The following TPST2 variants were observed in gnomAD, a reference collection of about 807,000 sequenced individuals.
TPST2 encodes the protein tyrosylprotein sulfotransferase 2.
TPST2 carries 16 observed loss-of-function variants against 27.8 expected under a neutral mutation model. That is an observed-to-expected ratio of 0.58 (90% CI 0.39 to 0.88). The LOEUF is 0.88. Ranked by LOEUF, TPST2 falls within the 40% of genes least tolerant of loss-of-function variation. The probability of loss-of-function intolerance (pLI) is 0.00; values close to 1 mark genes in which losing one functional copy is unlikely to be tolerated. For synonymous variants in TPST2, 229 were observed against 231.7 expected, an observed-to-expected ratio of 0.99 and a Z score of 0.10; for missense variants, 464 against 543.1, an observed-to-expected ratio of 0.85 and a Z score of 1.45.
rs190235994 is a variant in TPST2 at position 26,567,109 on chromosome 22, G to A, written c.-160-22434C>T. On this transcript the variant is annotated intron_variant, in intron 1 of 6. Coordinates refer to ENST00000338754, the MANE Select transcript of TPST2 (RefSeq NM_003595.5). ...AACACTGGTCTATTGCGGGGTAAGA[G>A]GGGGTGAGACTAAGCCGATTCTTTC... Among the ~76,000 whole-genome samples the A allele has an allele frequency of 4.0e-3, 615 of 152,290 alleles. 3 individuals are homozygous for A. The highest frequency in any genetic ancestry group is 0.014 in the African/African-American group (587 of 41,562).
intron 1 of TPST2, among the ~76,000 whole-genome samples, chr22:26,554,408 T>G (rs1269424685): frequency 6.6e-6 from 1 of 152,166 alleles, no homozygotes; most frequent in African/African-American, 2.4e-5. Context: ...CAGCGTGATC[T>G]TGTAGGGACC....
intron 1 of TPST2, among the ~76,000 whole-genome samples, chr22:26,550,415 T>C (rs1490295026): frequency 6.6e-6 from 1 of 152,138 alleles, no homozygotes; most frequent in Non-Finnish European, 1.5e-5. Context: ...GGAGTGACAT[T>C]TGCATTGAGA....
At chr22:26,547,542 G>A (rs1488677492) in intron 1 of TPST2, 1 of 152,160 alleles carries the variant, frequency 6.6e-6, no homozygotes, top group Non-Finnish European at 1.5e-5. Context: ...TCCATTTTAA[G>A]CTAAGAAAGG....
At chr22:26,539,231 G>C (rs1315536797) in intron 3 of TPST2, among the ~76,000 whole-genome samples, 1 of 152,110 alleles carries the variant, frequency 6.6e-6, no homozygotes, top group African/African-American at 2.4e-5. Flanking sequence ...CCAGCCATGG[G>C]AAGGACCAGC....
intron 1 of TPST2, among the ~76,000 whole-genome samples, chr22:26,556,849 G>C (rs1046795318): frequency 2.0e-5 from 3 of 152,166 alleles, no homozygotes; most frequent in Non-Finnish European, 4.4e-5. Context: ...TCAAACACAA[G>C]AGCAGTAGGG....
At chr22:26,539,180 C>T (rs1462384147) in intron 3 of TPST2, among the ~76,000 whole-genome samples, 3 of 152,214 alleles carry the variant, frequency 2.0e-5, no homozygotes, top group Non-Finnish European at 2.9e-5. Context: ...AGCTGCGAGC[C>T]TCTAGCTCTG....
chr22:26,560,390 G>A (rs1191862081), intron 1 of TPST2: 14 of 597,352 alleles, frequency 2.3e-5, no homozygotes, highest in Non-Finnish European at 3.9e-5. Flanking sequence ...TTGCAGCAGT[G>A]CCATATGACT....
intron 1 of TPST2, among the ~76,000 whole-genome samples, chr22:26,576,324 C>T (rs977572719): frequency 1.3e-5 from 2 of 152,080 alleles, no homozygotes; most frequent in Non-Finnish European, 2.9e-5. Flanking sequence ...ACTCTCTGTA[C>T]CAGCAAAGCC....
intron 1 of TPST2, among the ~76,000 whole-genome samples, chr22:26,580,218 A>G (rs1285029224): frequency 6.6e-6 from 1 of 152,204 alleles, no homozygotes. Context: ...TGGGCAACAG[A>G]GCAAGACCAT....
At chr22:26,586,754 C>G (rs1928362417) in intron 1 of TPST2, among the ~76,000 whole-genome samples, 1 of 152,174 alleles carries the variant, frequency 6.6e-6, no homozygotes, top group Non-Finnish European at 1.5e-5. Context: ...AGTTCCTGAA[C>G]CAGCAGAGTA....
chr22:26,588,252 T>C (rs1011756111), intron 1 of TPST2, among the ~76,000 whole-genome samples: 46 of 150,146 alleles, frequency 3.1e-4, no homozygotes, highest in African/African-American at 1.1e-3. Context: ...GGCTGAACCT[T>C]AGAAACATTC....
chr22:26,527,473 CA>C (rs1428508142), intron 6 of TPST2, among the ~76,000 whole-genome samples: 1 of 152,192 alleles, frequency 6.6e-6, no homozygotes. Context: ...ATGAAGAAAA[CA>C]GGGGCTGAAG....
chr22:26,541,010 G>A lies in TPST2; in HGVS notation c.621C>T (p.Tyr207=). The A allele has an allele frequency of 2.5e-6, 4 of 1,614,174 alleles. No homozygotes were observed. Among genetic ancestry groups the A allele is most frequent in the Non-Finnish European group, 3.4e-6 (4 of 1,180,050 alleles). The part of the protein sequence containing the change: ...VTIAGFDLSS[Y]RDCLTKWNKA... ...TGTTCCACTTGGTGAGGCAGTCACG[G>A]TAGCTGCTGAGGTCAAAGCCCGCAA... The change falls in exon 3 of 7, where the codon TAC becomes TAT. Residue 207 remains tyrosine, a synonymous_variant. Coordinates refer to ENST00000338754, the MANE Select transcript of TPST2 (RefSeq NM_003595.5). The surrounding 1 kb of genome is among the most constrained non-coding windows in gnomAD (Gnocchi z 5.9).
At chr22:26,569,307 G>A (rs1038177328) in intron 1 of TPST2, among the ~76,000 whole-genome samples, 4 of 152,160 alleles carry the variant, frequency 2.6e-5, no homozygotes, top group African/African-American at 7.2e-5. Context: ...TGGTTACCCC[G>A]GTGGGGCAAG....
chr22:26,570,991 T>C (rs1433830438), intron 1 of TPST2, among the ~76,000 whole-genome samples: 1 of 152,204 alleles, frequency 6.6e-6, no homozygotes. Flanking sequence ...TCCCTGATTC[T>C]GCCCTTGTCT....
chr22:26,574,861 G>T (rs536643618), intron 1 of TPST2, among the ~76,000 whole-genome samples: 1 of 152,108 alleles, frequency 6.6e-6, no homozygotes, highest in African/African-American at 2.4e-5. Context: ...CCAACTAGAA[G>T]GGGTCCAGGA....
intron 1 of TPST2, among the ~76,000 whole-genome samples, chr22:26,573,142 T>A (rs1297424788): frequency 6.6e-6 from 1 of 152,180 alleles, no homozygotes; most frequent in Non-Finnish European, 1.5e-5. Flanking sequence ...CAAGCAATCT[T>A]CCCACCTCAG....
At chr22:26,546,255 C>G (rs974932681) in intron 1 of TPST2, among the ~76,000 whole-genome samples, 2 of 152,120 alleles carry the variant, frequency 1.3e-5, no homozygotes, top group African/African-American at 4.8e-5. Flanking sequence ...GACATCTAAA[C>G]CCAGATGGAA....
At chr22:26,583,555 CAA>C (rs112444411) in intron 1 of TPST2, among the ~76,000 whole-genome samples, 160 of 138,004 alleles carry the variant, frequency 1.2e-3, no homozygotes, top group Admixed American at 1.4e-3. Context: ...TGGAGCGTGT[CAA>C]AAAAAAAAAA....
Sources: gnomAD v4.1 joint callset for allele counts (sites outside exome capture counted in the v4.1 genomes callset) on GRCh38, gnomAD v4.1.1 for gene constraint, Gnocchi (gnomAD v3.1) non-coding constraint, MANE v1.5 for transcripts, NCBI Gene and HGNC (gene_info 2026-07-23, HGNC 2026-07-21) for gene names.